Variants in CX3CR1 observed in about 807,000 individuals in gnomAD.
The protein encoded by CX3CR1 is CX3C chemokine receptor 1.
For synonymous variants in CX3CR1, 168 were observed against 178.5 expected (o/e 0.94, Z 0.47); for missense variants, 363 against 432.4 (o/e 0.84, Z 1.42).
chr3:39,268,868 A>G (rs1339339182), intron 1 of CX3CR1, among the ~76,000 whole-genome samples: 2 of 152,176 alleles, frequency 1.3e-5, no homozygotes, highest in African/African-American at 4.8e-5. Context: ...GCAAGCACTT[A>G]ATACATGTTC....
upstream of CX3CR1, chr3:39,280,406 A>C (rs748478927): frequency 2.4e-4 from 235 of 985,368 alleles, no homozygotes; most frequent in Non-Finnish European, 2.7e-4. Flanking sequence ...TCACTGGACC[A>C]CACTGGGGCA....
rs55810450 is a variant in CX3CR1, at chr3:39,267,616, C to T, written c.-9-1098G>A. On this transcript the variant is annotated intron_variant, in intron 1 of 1. Coordinates refer to ENST00000399220, the MANE Select transcript of CX3CR1 (RefSeq NM_001337.4). ...ATCAGGACTGTTGGTCATCCTACAA[C>T]GCTAAGTGAAGAGAAGGTGTTGCCA... Among the ~76,000 whole-genome samples the T allele has an allele frequency of 1.9e-3, 291 of 152,274 alleles. 2 individuals carry two copies. Among genetic ancestry groups the T allele is most frequent in the African/African-American group, 6.5e-3 (269 of 41,552 alleles).
intron 1 of CX3CR1, among the ~76,000 whole-genome samples, chr3:39,277,742 T>C (rs2040856178): frequency 6.6e-6 from 1 of 152,162 alleles, no homozygotes. Context: ...AGGAAGGGGA[T>C]AGACGATCGT....
chr3:39,277,426 A>G (rs1205841626), intron 1 of CX3CR1, among the ~76,000 whole-genome samples: 2 of 152,214 alleles, frequency 1.3e-5, no homozygotes, highest in East Asian at 3.8e-4. Context: ...TCCTTGGGAA[A>G]GGCAGCCAAG....
chr3:39,286,973 AAAACTT>A, the CX3CR1 span: 1 of 152,254 alleles, frequency 6.6e-6, no homozygotes, highest in African/African-American at 2.4e-5. Context: ...GTTGTCAATG[AAAACTT>A]AAACAGTATG....
intron 1 of CX3CR1, among the ~76,000 whole-genome samples, chr3:39,274,204 A>G (rs2040811846): frequency 2.0e-5 from 3 of 152,154 alleles, no homozygotes. Context: ...GCCAAGTTTT[A>G]CCAGGTCCTG....
chr3:39,269,901 C>T (rs141453867), intron 1 of CX3CR1, among the ~76,000 whole-genome samples: 1 of 152,360 alleles, frequency 6.6e-6, no homozygotes, highest in African/African-American at 2.4e-5. Flanking sequence ...ATATCGCTTT[C>T]TATGAGTTCC....
intron 1 of CX3CR1, among the ~76,000 whole-genome samples, chr3:39,273,537 C>G (rs1207976095): frequency 6.6e-6 from 1 of 152,234 alleles, no homozygotes; most frequent in Non-Finnish European, 1.5e-5. Flanking sequence ...TCACTCTGCT[C>G]TGCTTCAGTT....
intron 1 of CX3CR1, among the ~76,000 whole-genome samples, chr3:39,278,878 AT>A (rs2040868122): frequency 6.6e-6 from 1 of 152,110 alleles, no homozygotes; most frequent in Non-Finnish European, 1.5e-5. Context: ...TCTGAAGACC[AT>A]GTTTTCCACC....
upstream of CX3CR1, among the ~76,000 whole-genome samples, chr3:39,283,796 TA>T (rs1389740964): frequency 0.021 from 172 of 8,112 alleles, 1 homozygote; most frequent in Non-Finnish European, 0.025. Context: ...AAAAAAAAAT[TA>T]TATATATATA....
chr3:39,273,231 G>T (rs1490658341), intron 1 of CX3CR1, among the ~76,000 whole-genome samples: 2 of 152,320 alleles, frequency 1.3e-5, no homozygotes, highest in East Asian at 3.9e-4. Flanking sequence ...TCCCCCTGTG[G>T]GCTCATAACC....
At chr3:39,285,089 A>G (rs754617197), upstream of CX3CR1, among the ~76,000 whole-genome samples, 4 of 152,270 alleles carry the variant, frequency 2.6e-5, no homozygotes, top group Admixed American at 6.5e-5. Flanking sequence ...TTAGAGGCCA[A>G]TAGAAAATTG....
chr3:39,274,144 A>G (rs1394304837), intron 1 of CX3CR1, among the ~76,000 whole-genome samples: 2 of 152,146 alleles, frequency 1.3e-5, no homozygotes, highest in Non-Finnish European at 2.9e-5. Context: ...TGTACTAGAT[A>G]GAAAGGTTCT....
chr3:39,271,233 A>G (rs1211284185), intron 1 of CX3CR1, among the ~76,000 whole-genome samples: 1 of 152,202 alleles, frequency 6.6e-6, no homozygotes, highest in African/African-American at 2.4e-5. Flanking sequence ...CCTTTGTTCC[A>G]AAGAGTTTCA....
intron 1 of CX3CR1, among the ~76,000 whole-genome samples, chr3:39,277,549 G>T (rs969766824): frequency 6.6e-6 from 1 of 152,156 alleles, no homozygotes; most frequent in Non-Finnish European, 1.5e-5. Flanking sequence ...GGTTCCAAAC[G>T]TCTCTGGACT....
At chr3:39,291,451 C>T in the CX3CR1 span, among the ~76,000 whole-genome samples, 1 of 152,190 alleles carries the variant, frequency 6.6e-6, no homozygotes, top group Non-Finnish European at 1.5e-5. Context: ...CCCTCTTTCC[C>T]CTCCCGCCTA....
intron 1 of CX3CR1, among the ~76,000 whole-genome samples, chr3:39,278,155 T>G (rs2040859354): frequency 6.6e-6 from 1 of 152,182 alleles, no homozygotes. Flanking sequence ...TGGGGCCAGC[T>G]GAGGAGCAGG....
chr3:39,288,369 G>GC, the CX3CR1 span, among the ~76,000 whole-genome samples: 1 of 152,144 alleles, frequency 6.6e-6, no homozygotes, highest in African/African-American at 2.4e-5. Context: ...GATGAATAGG[G>GC]CAGGGTCTCT....
chr3:39,283,796 T>TAAAAA (rs2040925435), upstream of CX3CR1, among the ~76,000 whole-genome samples: 4 of 8,112 alleles, frequency 4.9e-4, no homozygotes, highest in Non-Finnish European at 3.6e-4. Context: ...AAAAAAAAAT[T>TAAAAA]ATATATATAT....
Sources: gnomAD v4.1 joint callset for allele counts (sites outside exome capture counted in the v4.1 genomes callset) on GRCh38, gnomAD v4.1.1 for gene constraint, MANE v1.5 for transcripts, NCBI Gene and HGNC (gene_info 2026-07-23, HGNC 2026-07-21) for gene names.